Variants in TIMELESS observed in about 807,000 individuals in gnomAD.
The protein encoded by TIMELESS is timeless circadian regulator.
TIMELESS carries 124 observed loss-of-function variants against 164.3 expected under a neutral mutation model. The ratio of observed to expected loss-of-function variants is 0.75; its 90% CI spans 0.65 to 0.88. The LOEUF (loss-of-function observed/expected upper bound fraction) is 0.88, where lower values mean the gene tolerates loss of function less well. Ranked by LOEUF, TIMELESS falls within the 40% of genes least tolerant of loss-of-function variation. The pLI is 0.00. For synonymous variants in TIMELESS, 564 were observed against 563.4 expected (o/e 1.00, Z -0.02); for missense variants, 1,422 against 1,491.4 (o/e 0.95, Z 0.77).
chr12:56,428,440 A>T, intron 12 of TIMELESS, 35 bp from the exon 13 acceptor site: 1 of 1,606,384 alleles, frequency 6.2e-7, no homozygotes, highest in South Asian at 1.1e-5. Flanking sequence ...TGGAAGGGCT[A>T]TTCTGGAAAG....
At position 56,433,562 on chromosome 12, in the gene TIMELESS, T is replaced by C; in HGVS notation, c.342A>G (p.Leu114=). Residue 114 remains leucine, a synonymous_variant, in exon 4 of 29, where the codon CTA becomes CTG. Coordinates refer to ENST00000553532, the MANE Select transcript of TIMELESS (RefSeq NM_003920.5). ...CCTCTTTGTAGGCCTGCAAATAAGT[T>C]AGCACCTGCAAAAAATGGTGCCGAA... ...PSFRHHFLQV[L]TYLQAYKEAF... is the part of the protein sequence containing the mutation. 3.1e-6 allele frequency: 5 copies of C among 1,614,188 alleles called. No individual in the cohort carries two copies. The highest frequency in any genetic ancestry group is 2.2e-5 in the East Asian group (1 of 44,888).
intron 1 of TIMELESS, among the ~76,000 whole-genome samples, chr12:56,441,161 TTCTC>T (rs1400568455): frequency 1.3e-5 from 2 of 152,186 alleles, no homozygotes; most frequent in African/African-American, 4.8e-5. Context: ...AAAGCCTGTA[TTCTC>T]TATGTCTTTT....
At position 56,420,686 on chromosome 12, in the gene TIMELESS, G is replaced by A. The variant is rs148398573; in HGVS notation, c.3111C>T (p.Gly1037=). 1.2e-6 allele frequency: 2 copies of A among 1,614,172 alleles called. No individual in the cohort carries two copies. Among genetic ancestry groups the A allele is most frequent in the African/African-American group, 1.3e-5 (1 of 75,068 alleles). ...GCACCAATGGAACGGCCTGGGAGCA[G>A]CCTAAGACAGGGTCAATAGTCATAT... ...IRAADDREED[G]CSQAVPLVPL... is the part of the protein sequence containing the mutation. The change falls in exon 26 of 29, where the codon GGC becomes GGT. Residue 1037 remains glycine (G), a splice_region_variant and synonymous_variant. Coordinates refer to ENST00000553532, the MANE Select transcript of TIMELESS (RefSeq NM_003920.5).
rs1486683832 is a variant in TIMELESS at position 56,430,277 on chromosome 12, C to T, written c.914G>A (p.Arg305Gln). ...CTTTCCCAAATCTGAACTGTAGTTT[C>T]GTAGCTGGGTGTGTCGGTTGGGGGA... ...LIFHKGLHNL[R>Q]NYSSDLGKQP... Residue 305 changes from arginine to glutamine, a missense_variant, in exon 10 of 29, where the codon CGA becomes CAA. Transcript: ENST00000553532. The T allele has an allele frequency of 3.1e-6, 5 of 1,612,342 alleles. No individual in the cohort carries two copies. Among genetic ancestry groups the T allele is most frequent in the East Asian group, 4.5e-5 (2 of 44,788 alleles).
intron 23 of TIMELESS, 52 bp downstream of exon 23, chr12:56,421,299 C>T (rs1881474145): frequency 1.3e-6 from 2 of 1,596,814 alleles, no homozygotes; most frequent in Admixed American, 1.7e-5. Flanking sequence ...CTCCTAAGGA[C>T]CACTTCAAGG....
At chr12:56,430,317 A>G in intron 9 of TIMELESS, 36 bp from the exon 10 acceptor site, 1 of 1,574,352 alleles carries the variant, frequency 6.4e-7, no homozygotes, top group Non-Finnish European at 8.6e-7. Context: ...AATTACTCCT[A>G]AATACCACTT....
At position 56,424,779 on chromosome 12, in the gene TIMELESS, A is replaced by G; in HGVS notation, c.1851T>C (p.Thr617=). The change falls in exon 15 of 29, where the codon ACT becomes ACC. Residue 617 remains threonine (T), a synonymous_variant. Transcript: ENST00000553532. ...GTTCTTACCGAGCAGACCTCAGGAG[A>G]GTCAGGGCCTGTGGGGCCTGGCCAG... The part of the protein sequence containing the change: ...LLAGQAPQAL[T]LLRSAREVWP... 6.2e-7 allele frequency: 1 copy of G among 1,614,004 alleles called. No homozygotes were observed. Among genetic ancestry groups the G allele is most frequent in the South Asian group, 1.1e-5 (1 of 91,066 alleles).
chr12:56,432,260 G>T, intron 7 of TIMELESS, 109 bp downstream of exon 7: 1 of 1,342,732 alleles, frequency 7.4e-7, no homozygotes, highest in Non-Finnish European at 1.0e-6. Context: ...TACTCCTGCT[G>T]TCGCCTGCCT....
chr12:56,432,077 G>A (rs1329032122), intron 7 of TIMELESS, among the ~76,000 whole-genome samples: 1 of 152,016 alleles, frequency 6.6e-6, no homozygotes, highest in Non-Finnish European at 1.5e-5. Flanking sequence ...AGGACAAACA[G>A]GGACAAAAGA....
chr12:56,447,190 T>G (rs577495130), intron 1 of TIMELESS, among the ~76,000 whole-genome samples: 4,047 of 69,330 alleles, frequency 0.058, 230 homozygotes, highest in African/African-American at 0.13. Context: ...TTGTTTTTTT[T>G]TTTTTTTTTT....
chr12:56,429,926 C>A (rs930092921), intron 10 of TIMELESS, among the ~76,000 whole-genome samples, 179 bp downstream of exon 10: 1 of 151,992 alleles, frequency 6.6e-6, no homozygotes, highest in East Asian at 1.9e-4. Flanking sequence ...GGAGCCCACT[C>A]GTTCCTGGCA....
At chr12:56,428,095 C>G (rs756995709) in intron 13 of TIMELESS, 141 bp downstream of exon 13, 3 of 667,090 alleles carry the variant, frequency 4.5e-6, no homozygotes, top group Non-Finnish European at 7.0e-6. Flanking sequence ...TCACACTGGC[C>G]AACACCCACA....
intron 5 of TIMELESS, 78 bp downstream of exon 5, chr12:56,433,303 T>G: frequency 6.6e-7 from 1 of 1,523,836 alleles, no homozygotes; most frequent in Non-Finnish European, 9.1e-7. Flanking sequence ...TGGGACCATA[T>G]CTCAGCATCT....
Position 56,423,572 on chromosome 12 carries a change from C to A in TIMELESS, c.2090+12G>T. On this transcript the variant is annotated intron_variant, in intron 17 of 28. Coordinates refer to ENST00000553532, the MANE Select transcript of TIMELESS (RefSeq NM_003920.5). ...GCCACTCTAGGACCAACTCAGGCCTCTCAGCCCGCACCGTTTCAGGTAGTC... is the reference window on the plus strand; with the variant it reads ...GCCACTCTAGGACCAACTCAGGCCTATCAGCCCGCACCGTTTCAGGTAGTC... 1 of 1,614,054 alleles carries A rather than the reference C, an allele frequency of 6.2e-7. No individual in the cohort carries two copies.
rs757661997 is a variant in TIMELESS, at chr12:56,422,139, G to A, written c.2491C>T (p.Arg831Trp). 43 of 1,614,010 alleles carry A rather than the reference G, an allele frequency of 2.7e-5. No individual in the cohort carries two copies. The highest frequency in any genetic ancestry group is 1.6e-4 in the Middle Eastern group (1 of 6,084). Residue 831 changes from arginine to tryptophan, a missense_variant, in exon 20 of 29, where the codon CGG (arginine) becomes TGG (tryptophan). By Grantham distance (101) the Arg-to-Trp change is moderately radical. Transcript: ENST00000553532. The stretch of plus-strand genomic sequence containing the variant: ...TCCTTATTGGCGAGGTACAGCTCCC[G>A]AAGATGAGCCTCTTCTTCGGGGCTC... ...TWSPEEEAHL[R>W]ELYLANKDVE...
In TIMELESS at chr12:56,425,148, T is replaced by C; in HGVS notation, c.1583A>G (p.Lys528Arg). Residue 528 changes from lysine (K) to arginine (R), a missense_variant, in exon 14 of 29, where the codon AAA becomes AGA. By Grantham distance (26) the Lys-to-Arg change is conservative. Coordinates refer to ENST00000553532, the MANE Select transcript of TIMELESS (RefSeq NM_003920.5). ...CTTCTTCTTCCTTCTCTTCTTTTGT[T>C]TGTTCTGTGGGGAAAGAATTGTATT... Reference protein sequence around the residue: ...RSRGNLVVQNKQKKRRKKKKK... With the variant: ...RSRGNLVVQNRQKKRRKKKKK... The C allele has an allele frequency of 6.2e-7, 1 of 1,612,950 alleles. No individual in the cohort carries two copies. The highest frequency in any genetic ancestry group is 8.5e-7 in the Non-Finnish European group (1 of 1,179,824).
intron 13 of TIMELESS, among the ~76,000 whole-genome samples, chr12:56,427,287 T>C (rs1404383923): frequency 6.6e-6 from 1 of 152,162 alleles, no homozygotes; most frequent in African/African-American, 2.4e-5. Context: ...CACACCCAGC[T>C]AATTTTTGTA....
chr12:56,438,543 G>A (rs968100198), intron 1 of TIMELESS, among the ~76,000 whole-genome samples: 8 of 151,922 alleles, frequency 5.3e-5, no homozygotes, highest in African/African-American at 1.5e-4. Flanking sequence ...AGGCCAAGGC[G>A]GGAGGATCAC....
rs767858191 is a variant in TIMELESS, at chr12:56,424,825, C to T, written c.1805G>A (p.Arg602Gln). 36 of 1,614,056 alleles carry T rather than the reference C, an allele frequency of 2.2e-5. No homozygotes were observed. The highest frequency in any genetic ancestry group is 8.0e-5 in the African/African-American group (6 of 74,930). ...VEEQRAEAMV[R>Q]IQDCLLAGQA... ...GCCAGCCAGGAGACAGTCTTGGATC[C>T]GTACCATAGCTTCTGCCCGCTGCTC... Residue 602 changes from arginine to glutamine, a missense_variant, in exon 15 of 29, where the codon CGG (arginine) becomes CAG (glutamine). Arg to Gln is a conservative substitution (Grantham distance 43). Transcript: ENST00000553532.
Sources: allele counts gnomAD v4.1 joint callset (sites outside exome capture counted in the v4.1 genomes callset), GRCh38; gene constraint gnomAD v4.1.1; transcripts MANE v1.5; gene names NCBI Gene and HGNC (gene_info 2026-07-23, HGNC 2026-07-21).